Variants in SLC24A2 observed in about 807,000 individuals in gnomAD.
SLC24A2 encodes the protein sodium/potassium/calcium exchanger 2.
SLC24A2 carries 36 observed loss-of-function variants against 62.0 expected under a neutral mutation model. The observed-to-expected ratio is 0.58, with a 90% CI of 0.44 to 0.77. The LOEUF is 0.77. Ranked by LOEUF, SLC24A2 falls within the 30% of genes least tolerant of loss-of-function variation. The pLI is 0.00. For missense variants in SLC24A2, 846 were observed against 817.9 expected (o/e 1.03, Z -0.42); for synonymous variants, 358 against 294.0 (o/e 1.22, Z -2.23).
intron 6 of SLC24A2, 93 bp from the exon 7 acceptor site, chr9:19,573,562 T>C (rs1835915296): frequency 3.5e-6 from 3 of 861,544 alleles, no homozygotes; most frequent in Admixed American, 1.8e-5. Flanking sequence ...AGAAAGCAAA[T>C]GGAATCAATG....
chr9:19,525,922 G>A (rs1466535614), intron 9 of SLC24A2, among the ~76,000 whole-genome samples: 1 of 151,920 alleles, frequency 6.6e-6, no homozygotes, highest in African/African-American at 2.4e-5. Context: ...ATTCAGAGTT[G>A]TGCAGCCTTC....
intron 10 of SLC24A2, among the ~76,000 whole-genome samples, chr9:19,518,560 TGCAGGCGCACGCCACCA>T (rs1833047529): frequency 6.6e-6 from 1 of 152,038 alleles, no homozygotes; most frequent in Non-Finnish European, 1.5e-5. Flanking sequence ...TAGCTGGGAC[TGCAGGCGCACGCCACCA>T]TTCGTAGATA....
intron 4 of SLC24A2, among the ~76,000 whole-genome samples, chr9:19,607,609 C>T (rs1302239166): frequency 6.7e-6 from 1 of 150,208 alleles, no homozygotes; most frequent in African/African-American, 2.5e-5. Flanking sequence ...ATCATAGCTA[C>T]TTGAGAGGCT....
At chr9:19,980,075 C>G in the SLC24A2 span, among the ~76,000 whole-genome samples, 19 of 152,304 alleles carry the variant, frequency 1.2e-4, no homozygotes, top group African/African-American at 4.1e-4. Context: ...AAATGGCTAA[C>G]TTACTTTTTG....
intron 2 of SLC24A2, among the ~76,000 whole-genome samples, chr9:19,772,959 T>C (rs1321393874): frequency 6.6e-6 from 1 of 152,186 alleles, no homozygotes; most frequent in Non-Finnish European, 1.5e-5. Context: ...CACCAACTGA[T>C]GAAATGTGGT....
At chr9:19,665,343 C>T (rs370854571) in intron 2 of SLC24A2, among the ~76,000 whole-genome samples, 4 of 152,112 alleles carry the variant, frequency 2.6e-5, no homozygotes, top group East Asian at 1.9e-4. Context: ...GAACTGAAGA[C>T]TGCTAGCACT....
the SLC24A2 span, among the ~76,000 whole-genome samples, chr9:20,291,371 T>TCAAA: frequency 6.6e-6 from 1 of 151,976 alleles, no homozygotes; most frequent in South Asian, 2.1e-4. Flanking sequence ...CAAAGACACT[T>TCAAA]CAAACAGAGA....
At chr9:19,964,742 T>C in the SLC24A2 span, among the ~76,000 whole-genome samples, 2 of 152,214 alleles carry the variant, frequency 1.3e-5, no homozygotes, top group Admixed American at 6.5e-5. Flanking sequence ...TGTGTGGGGC[T>C]GCTAACTCAC....
the SLC24A2 span, among the ~76,000 whole-genome samples, chr9:20,066,429 G>A: frequency 6.6e-6 from 1 of 152,254 alleles, no homozygotes; most frequent in Non-Finnish European, 1.5e-5. Context: ...GGGGGGAAAC[G>A]GGAAATTAAG....
At chr9:20,295,975 G>A in the SLC24A2 span, among the ~76,000 whole-genome samples, 1 of 152,148 alleles carries the variant, frequency 6.6e-6, no homozygotes, top group Non-Finnish European at 1.5e-5. Flanking sequence ...TTGTATTGGG[G>A]AAATCAGATA....
At chr9:19,622,586 G>C (rs1817934417) in intron 2 of SLC24A2, among the ~76,000 whole-genome samples, 1 of 152,160 alleles carries the variant, frequency 6.6e-6, no homozygotes, top group African/African-American at 2.4e-5. Context: ...CAGCCATGCA[G>C]TGGAATACTA....
At chr9:19,520,818 A>G (rs533527401) in intron 10 of SLC24A2, 76 bp downstream of exon 10, 5 of 1,397,510 alleles carry the variant, frequency 3.6e-6, no homozygotes, top group Non-Finnish European at 3.0e-6. Context: ...GATCCTGGTC[A>G]TGTCTTTCCA....
At chr9:20,214,237 TAA>T in the SLC24A2 span, among the ~76,000 whole-genome samples, 1 of 152,168 alleles carries the variant, frequency 6.6e-6, no homozygotes. Context: ...TCAGTAGGCA[TAA>T]AGTTTCAGTC....
intron 2 of SLC24A2, among the ~76,000 whole-genome samples, chr9:19,753,250 C>G (rs1247605879): frequency 6.6e-6 from 1 of 152,194 alleles, no homozygotes; most frequent in Non-Finnish European, 1.5e-5. Flanking sequence ...CCTCTCTCAA[C>G]CAGTGCTCCA....
At chr9:20,209,947 G>A in the SLC24A2 span, among the ~76,000 whole-genome samples, 1 of 152,092 alleles carries the variant, frequency 6.6e-6, no homozygotes, top group South Asian at 2.1e-4. Flanking sequence ...GCCTTTCATA[G>A]GTATCTCTCA....
At chr9:19,794,121 C>T in the SLC24A2 span, among the ~76,000 whole-genome samples, 2 of 152,212 alleles carry the variant, frequency 1.3e-5, no homozygotes, top group Non-Finnish European at 2.9e-5. Context: ...ATTTCTGCAA[C>T]AGCACTTAAG....
Position 19,786,935 on chromosome 9 carries a change from T to A in SLC24A2, c.-69A>T, listed in dbSNP as rs1339903083. On this transcript the variant is annotated 5_prime_UTR_variant, in exon 2 of 11. Coordinates refer to ENST00000341998, the MANE Select transcript of SLC24A2 (RefSeq NM_020344.4). The surrounding 1 kb of genome is among the most constrained non-coding windows in gnomAD (Gnocchi z 5.0). ...CAACCAGATGGTTCTTTCATACTTT[T>A]CCTTACTTTATAGTTAACGATGCTT... 1 of 1,584,328 alleles carries A rather than the reference T, an allele frequency of 6.3e-7. No homozygotes were observed. The highest frequency in any genetic ancestry group is 1.3e-5 in the African/African-American group (1 of 74,396).
At chr9:19,955,473 A>G in the SLC24A2 span, among the ~76,000 whole-genome samples, 2 of 152,086 alleles carry the variant, frequency 1.3e-5, no homozygotes, top group South Asian at 2.1e-4. Flanking sequence ...GAAGACACAG[A>G]TAAGTTGTCT....
chr9:20,106,521 C>T, the SLC24A2 span, among the ~76,000 whole-genome samples: 1 of 152,180 alleles, frequency 6.6e-6, no homozygotes, highest in Non-Finnish European at 1.5e-5. Flanking sequence ...GGCTTCATCC[C>T]TGGGATGCAA....
Sources: gnomAD v4.1 joint callset for allele counts (sites outside exome capture counted in the v4.1 genomes callset) on GRCh38, gnomAD v4.1.1 for gene constraint, Gnocchi (gnomAD v3.1) non-coding constraint, MANE v1.5 for transcripts, NCBI Gene and HGNC (gene_info 2026-07-23, HGNC 2026-07-21) for gene names.